The following ATM variants were observed in gnomAD, a reference collection of about 807,000 sequenced individuals.
ATM encodes ATM serine/threonine kinase.
Under a neutral mutation model 387.0 loss-of-function variants are expected in ATM, and 308 were observed. That is an observed-to-expected ratio of 0.80 (90% CI 0.73 to 0.87). The LOEUF (loss-of-function observed/expected upper bound fraction) is 0.87. Among genes scored for constraint, ATM ranks in the 40% least tolerant of loss-of-function variants. The pLI is 0.00. For synonymous variants in ATM, 1,156 were observed against 1,187.3 expected, an observed-to-expected ratio of 0.97 and a Z score of 0.54; for missense variants, 3,312 against 3,560.9, an observed-to-expected ratio of 0.93 and a Z score of 1.78.
rs1255147967 is a variant in ATM at position 108,306,311 on chromosome 11, C to G, written c.5674+1459C>G. ...GCTTATATGAATTTTCCTTAGGCCA[C>G]TGAAATGAAAATCCTAAAATAAAAA... is the stretch of plus-strand genomic sequence containing the variant. On this transcript the variant is annotated intron_variant, in intron 37 of 62. Coordinates refer to ENST00000675843, the MANE Select transcript of ATM (RefSeq NM_000051.4). Among the ~76,000 whole-genome samples, 2 of 151,924 alleles carry G rather than the reference C, an allele frequency of 1.3e-5. 1 individual carries two copies. The highest frequency in any genetic ancestry group is 2.9e-5 in the Non-Finnish European group (2 of 68,000).
rs2135926774 is a variant in ATM at position 108,302,852 on chromosome 11, G to C, written c.5320-1G>C. 1 of 1,609,948 alleles carries C rather than the reference G, an allele frequency of 6.2e-7. No homozygotes were observed. The highest frequency in any genetic ancestry group is 8.5e-7 in the Non-Finnish European group (1 of 1,176,762). On this transcript the variant is annotated splice_acceptor_variant, in intron 35 of 62. Transcript: ENST00000675843. LOFTEE classifies it high-confidence loss of function. ...ACATTTTCTAATCCCTTTCTTTCTA[G>C]TTTTTAGAAGTACCCAGATTTGACA...
intron 15 of ATM, 113 bp downstream of exon 15, chr11:108,257,719 C>T (rs2080596392): frequency 9.4e-7 from 1 of 1,058,914 alleles, no homozygotes. Context: ...TCCTGGTTTC[C>T]AGCAATTCTC....
At chr11:108,238,916 C>G (rs900242869) in intron 5 of ATM, among the ~76,000 whole-genome samples, 1 of 152,154 alleles carries the variant, frequency 6.6e-6, no homozygotes, top group Admixed American at 6.5e-5. Flanking sequence ...CCATCCATCT[C>G]CAGAACTTTT....
At position 108,229,161 on chromosome 11, in the gene ATM, A is replaced by G. The variant is rs4987907; in HGVS notation, c.186-17A>G. On this transcript the variant is annotated splice_polypyrimidine_tract_variant and intron_variant, in intron 3 of 62. Transcript: ENST00000675843. ...GTATTCAACGAGTTTCTGAAATTGC[A>G]TTTTGTTTTCTTGAAGATTTTTACA... 5,557 of 1,605,580 alleles carry G rather than the reference A, an allele frequency of 3.5e-3. 112 individuals carry two copies. The African/African-American group carries it at 0.05, about 14-fold the overall frequency.
chr11:108,249,253 C>A, intron 9 of ATM, 151 bp downstream of exon 9: 1 of 921,310 alleles, frequency 1.1e-6, no homozygotes, highest in Non-Finnish European at 1.7e-6. Context: ...ATGTGATTGC[C>A]ATGACAAATG....
intron 5 of ATM, among the ~76,000 whole-genome samples, chr11:108,241,742 CTTTTTTT>C (rs1206745957): frequency 1.3e-4 from 6 of 45,352 alleles, no homozygotes; most frequent in East Asian, 1.1e-3. Context: ...TTCTTTCTTT[CTTTTTTT>C]TTTTTTTTTT....
intron 59 of ATM, among the ~76,000 whole-genome samples, chr11:108,351,208 A>G (rs1376806263): frequency 2.0e-5 from 3 of 152,184 alleles, no homozygotes; most frequent in African/African-American, 7.2e-5. Context: ...AAATTAATGT[A>G]TAGTGTTAGA....
At chr11:108,302,397 T>G (rs958189437) in intron 35 of ATM, among the ~76,000 whole-genome samples, 3 of 152,190 alleles carry the variant, frequency 2.0e-5, no homozygotes, top group Non-Finnish European at 4.4e-5. Flanking sequence ...GAAGCAGTAC[T>G]TTCAGTGCAT....
chr11:108,290,870 T>C (rs1303917235), intron 29 of ATM, among the ~76,000 whole-genome samples: 1 of 151,544 alleles, frequency 6.6e-6, no homozygotes, highest in Non-Finnish European at 1.5e-5. Flanking sequence ...CTAGAAATCT[T>C]AAGAAGGATC....
At chr11:108,291,602 A>G (rs752596935) in intron 29 of ATM, among the ~76,000 whole-genome samples, 2 of 152,206 alleles carry the variant, frequency 1.3e-5, no homozygotes, top group Non-Finnish European at 2.9e-5. Flanking sequence ...GAGTTGTACA[A>G]TATATGTCCT....
chr11:108,224,484 A>C (rs1419495645), intron 1 of ATM: 1 of 152,226 alleles, frequency 6.6e-6, no homozygotes, highest in African/African-American at 2.4e-5. Context: ...ATTCTGGATT[A>C]ATGTATAAAT....
At chr11:108,295,170 A>G (rs2083054489) in intron 32 of ATM, 111 bp downstream of exon 32, 3 of 1,411,118 alleles carry the variant, frequency 2.1e-6, no homozygotes, top group Admixed American at 1.7e-5. Context: ...GACTCTCATC[A>G]TTTAGTTCAG....
At chr11:108,293,895 ATATAT>A (rs372078780) in intron 31 of ATM, among the ~76,000 whole-genome samples, 3,247 of 92,662 alleles carry the variant, frequency 0.035, 55 homozygotes, top group African/African-American at 0.041. Context: ...AAAAAAAAAA[ATATAT>A]ATATATATAT....
chr11:108,241,948 T>A (rs1275440563), intron 5 of ATM, among the ~76,000 whole-genome samples: 1 of 151,674 alleles, frequency 6.6e-6, no homozygotes, highest in Non-Finnish European at 1.5e-5. Context: ...CTTATTATGT[T>A]GCTTATGCCA....
At chr11:108,312,618 C>T (rs1321575736) in intron 40 of ATM, 120 bp downstream of exon 40, 1 of 713,776 alleles carries the variant, frequency 1.4e-6, no homozygotes, top group African/African-American at 1.8e-5. Context: ...CTGGACTAAG[C>T]ATCATATATA....
chr11:108,321,368 A>G lies in ATM; in HGVS notation c.6520A>G (p.Ser2174Gly), dbSNP rs1430775210. The change falls in exon 45 of 63, where the codon AGC (serine) becomes GGC (glycine). Residue 2174 changes from serine (S) to glycine (G), a missense_variant. This residue lies in a region of ATM where 1,405 missense variants were observed against 1,604.4 expected (regional missense o/e 0.88). Coordinates refer to ENST00000675843, the MANE Select transcript of ATM (RefSeq NM_000051.4). Reference sequence around the variant, plus strand: ...TGTGTATTCGCTCTATCCCACACTTAGCAGGTTGCAGGCCATTGGAGAGCT... The same window carrying G: ...TGTGTATTCGCTCTATCCCACACTTGGCAGGTTGCAGGCCATTGGAGAGCT... ...ESVYSLYPTLSRLQAIGELES... is the reference protein window; with the variant it reads ...ESVYSLYPTLGRLQAIGELES... 6.2e-7 allele frequency: 1 copy of G among 1,614,220 alleles called. No individual in the cohort carries two copies. Among genetic ancestry groups the G allele is most frequent in the South Asian group, 1.1e-5 (1 of 91,082 alleles).
At position 108,295,011 on chromosome 11, in the gene ATM, C is replaced by G. The variant is rs759289039; in HGVS notation, c.4861C>G (p.Leu1621Val). ...AGGACTAAAGGATCTTCGAAGACAACTGGAACTACATAAAGATCAGATGGT... is the reference window on the plus strand; with the variant it reads ...AGGACTAAAGGATCTTCGAAGACAAGTGGAACTACATAAAGATCAGATGGT... Reference protein sequence around the residue: ...LEGLKDLRRQLELHKDQMVDI... With the variant: ...LEGLKDLRRQVELHKDQMVDI... The change falls in exon 32 of 63, where the codon CTG (leucine) becomes GTG (valine). Residue 1621 changes from leucine to valine, a missense_variant. Around this residue, in one of 4 missense-constraint regions of ATM, gnomAD observed 1,405 missense variants for 1,604.4 expected, o/e 0.88. Coordinates refer to ENST00000675843, the MANE Select transcript of ATM (RefSeq NM_000051.4). The G allele has an allele frequency of 6.2e-7, 1 of 1,613,876 alleles. No individual in the cohort carries two copies. Among genetic ancestry groups the G allele is most frequent in the Non-Finnish European group, 8.5e-7 (1 of 1,179,926 alleles).
chr11:108,266,402 G>A (rs994641392), intron 16 of ATM, among the ~76,000 whole-genome samples: 15 of 149,518 alleles, frequency 1.0e-4, no homozygotes, highest in Admixed American at 4.1e-4. Context: ...ACCAAACACC[G>A]CATGTTCTCA....
At chr11:108,354,026 G>T in intron 60 of ATM, 146 bp downstream of exon 60, 1 of 685,294 alleles carries the variant, frequency 1.5e-6, no homozygotes. Flanking sequence ...GTCCAGCCTA[G>T]GCAATACAGC....
Sources: gnomAD v4.1 joint callset for allele counts (sites outside exome capture counted in the v4.1 genomes callset) on GRCh38, gnomAD v4.1.1 for gene constraint, gnomAD v4.1.1 regional missense constraint, MANE v1.5 for transcripts, NCBI Gene and HGNC (gene_info 2026-07-23, HGNC 2026-07-21) for gene names.